LYRM9: variants seen among roughly 807,000 people sequenced by gnomAD.
LYRM9 encodes the protein LYR motif containing 9, also known as LYR motif-containing protein 9.
In LYRM9, 14 loss-of-function variants were observed where a neutral mutation model predicts 12.6. The ratio of observed to expected loss-of-function variants is 1.11; its 90% CI spans 0.73 to 1.73. LYRM9 has a LOEUF of 1.73. Ranked by LOEUF, LYRM9 falls within the 40% of genes most tolerant of loss-of-function variation. The pLI is 0.00. For synonymous variants in LYRM9, 42 were observed against 35.1 expected, an observed-to-expected ratio of 1.20 and a Z score of -0.69; for missense variants, 94 against 95.0, an observed-to-expected ratio of 0.99 and a Z score of 0.04.
chr17:27,887,393 T>TA (rs1353354125), intron 1 of LYRM9, among the ~76,000 whole-genome samples: 4 of 152,380 alleles, frequency 2.6e-5, no homozygotes, highest in Admixed American at 2.6e-4. Flanking sequence ...ACTGATTTTT[T>TA]ATGTATCAAA....
At chr17:27,884,545 T>G (rs544529039) in intron 1 of LYRM9, among the ~76,000 whole-genome samples, 1 of 152,324 alleles carries the variant, frequency 6.6e-6, no homozygotes, top group Admixed American at 6.5e-5. Flanking sequence ...CTTAGTGTCC[T>G]TCCTCCAGGA....
intron 1 of LYRM9, among the ~76,000 whole-genome samples, chr17:27,885,741 C>T (rs1905211560): frequency 1.3e-5 from 2 of 149,776 alleles, no homozygotes; most frequent in Admixed American, 1.3e-4. Context: ...TTCATTTGGG[C>T]CCTAAAACCA....
chr17:27,886,057 G>A lies in LYRM9; in HGVS notation c.-18-3345C>T, dbSNP rs758143810. Among the ~76,000 whole-genome samples, 1 of 152,070 alleles carries A rather than the reference G, an allele frequency of 6.6e-6. No individual in the cohort carries two copies. Among genetic ancestry groups the A allele is most frequent in the Non-Finnish European group, 1.5e-5 (1 of 68,020 alleles). ...AAGACCATCAGGAGCAACCACAGGA[G>A]ACATACCACCAAAGTCCCAAACCTG... On this transcript the variant is annotated intron_variant, in intron 1 of 3. Coordinates refer to ENST00000379102, the MANE Select transcript of LYRM9 (RefSeq NM_001076680.3). The surrounding 1 kb of genome is among the most constrained non-coding windows in gnomAD (Gnocchi z 4.8).
rs1905246819 is a variant in LYRM9, at chr17:27,886,755, C to T, written c.-18-4043G>A. On this transcript the variant is annotated intron_variant, in intron 1 of 3. Transcript: ENST00000379102. This position sits in a 1 kb window ranked among gnomAD's most constrained non-coding sequence, Gnocchi z 4.8. ...CCGCCTCCTGGGTTTAAGCAATTCT[C>T]CTGCCTCAGCCTCCTGAGTAGCTGG... Among the ~76,000 whole-genome samples the T allele has an allele frequency of 6.6e-6, 1 of 151,990 alleles. No homozygotes were observed. The highest frequency in any genetic ancestry group is 1.5e-5 in the Non-Finnish European group (1 of 68,022).
intron 1 of LYRM9, chr17:27,883,012 G>A (rs1905116155): frequency 2.0e-6 from 1 of 504,150 alleles, no homozygotes; most frequent in Non-Finnish European, 4.0e-6. Context: ...TCACCGGCAG[G>A]GTAGGGTAGA....
At position 27,886,926 on chromosome 17, in the gene LYRM9, G is replaced by A. The variant is rs535731850; in HGVS notation, c.-18-4214C>T. Among the ~76,000 whole-genome samples the A allele has an allele frequency of 1.0e-4, 15 of 150,186 alleles. No homozygotes were observed. The highest frequency in any genetic ancestry group is 6.0e-4 in the Admixed American group (9 of 15,116). ...CTCCCAAAGTGCTAGGATTACAGGC[G>A]TGAGCCACCACACCCGGCCCCATGC... On this transcript the variant is annotated intron_variant, in intron 1 of 3. Coordinates refer to ENST00000379102, the MANE Select transcript of LYRM9 (RefSeq NM_001076680.3). This position sits in a 1 kb window ranked among gnomAD's most constrained non-coding sequence, Gnocchi z 4.8.
chr17:27,884,653 G>C (rs752686166), intron 1 of LYRM9, among the ~76,000 whole-genome samples: 3 of 152,190 alleles, frequency 2.0e-5, no homozygotes, highest in Non-Finnish European at 4.4e-5. Flanking sequence ...GGACTCATCT[G>C]CTACCTCGCC....
intron 3 of LYRM9, 141 bp from the exon 4 acceptor site, chr17:27,879,631 G>T: frequency 1.3e-6 from 1 of 772,702 alleles, no homozygotes; most frequent in Non-Finnish European, 2.0e-6. Context: ...CAAGCAGGAG[G>T]CACTGGGCAG....
chr17:27,892,593 G>C, intron 1 of LYRM9: 2 of 344,030 alleles, frequency 5.8e-6, no homozygotes, highest in South Asian at 4.6e-5. Context: ...ATCCAGAATA[G>C]GCAAAAGTAC....
At chr17:27,889,887 G>A (rs189079139) in intron 1 of LYRM9, among the ~76,000 whole-genome samples, 11 of 152,242 alleles carry the variant, frequency 7.2e-5, no homozygotes, top group East Asian at 1.9e-4. Context: ...ACAGTCTGGT[G>A]TACCTAGCTC....
At position 27,882,551 on chromosome 17, in the gene LYRM9, G is replaced by A; in HGVS notation, c.126+18C>T. On this transcript the variant is annotated intron_variant, in intron 2 of 3. Transcript: ENST00000379102. ...GCCATTAGAGGCAGCCCCCAGACCT[G>A]GTAGAGCCAGCTCGCACCTGCCTGA... 1.9e-6 allele frequency: 3 copies of A among 1,565,310 alleles called. No individual in the cohort carries two copies. Among genetic ancestry groups the A allele is most frequent in the South Asian group, 1.2e-5 (1 of 83,324 alleles).
At chr17:27,893,285 C>CCCTCGG (rs976869073) in intron 1 of LYRM9, 32 bp downstream of exon 1, 17 of 153,010 alleles carry the variant, frequency 1.1e-4, no homozygotes, top group East Asian at 3.8e-4. Context: ...CGCGCCCCCG[C>CCCTCGG]CCTCGGCCTC....
chr17:27,885,630 A>G (rs1905205885), intron 1 of LYRM9, among the ~76,000 whole-genome samples: 1 of 147,804 alleles, frequency 6.8e-6, no homozygotes, highest in South Asian at 2.2e-4. Flanking sequence ...GGATCACTTC[A>G]GCCTCGACTG....
At chr17:27,883,954 C>G (rs530938986) in intron 1 of LYRM9, among the ~76,000 whole-genome samples, 3 of 150,116 alleles carry the variant, frequency 2.0e-5, no homozygotes, top group Non-Finnish European at 4.4e-5. Flanking sequence ...CAGGTACACA[C>G]CGGAGAAGCC....
intron 1 of LYRM9, among the ~76,000 whole-genome samples, chr17:27,890,003 A>G (rs973702856): frequency 6.6e-6 from 1 of 152,336 alleles, no homozygotes; most frequent in East Asian, 1.9e-4. Context: ...CCTCACAACA[A>G]TATTTTAAGG....
At chr17:27,879,648 C>A (rs1288138238) in intron 3 of LYRM9, 158 bp from the exon 4 acceptor site, 2 of 674,380 alleles carry the variant, frequency 3.0e-6, no homozygotes, top group African/African-American at 1.8e-5. Context: ...GCAGCCAAAT[C>A]TCTAGTTCAT....
rs1053396556 is a variant in LYRM9, at chr17:27,882,603, C to A, written c.92G>T (p.Gly31Val). 1.3e-6 allele frequency: 2 copies of A among 1,596,482 alleles called. No individual in the cohort carries two copies. Among genetic ancestry groups the A allele is most frequent in the Admixed American group, 3.4e-5 (2 of 58,058 alleles). ...LRCCQQLPTKGIQQHYKHAVR... is the reference protein window; with the variant it reads ...LRCCQQLPTKVIQQHYKHAVR... ...AGCATGCTTGTAATGCTGCTGGATG[C>A]CCTTGGTCGGCAGCTGCTGGCAACA... Residue 31 changes from glycine to valine, a missense_variant, in exon 2 of 4, where the codon GGC becomes GTC. Transcript: ENST00000379102.
intron 1 of LYRM9, among the ~76,000 whole-genome samples, chr17:27,887,713 GGTGTGTGT>G (rs59760752): frequency 0.051 from 4,394 of 86,762 alleles, 151 homozygotes; most frequent in African/African-American, 0.098. Flanking sequence ...TAGGAGGGAG[GGTGTGTGT>G]GTGTGTGTGT....
chr17:27,892,156 C>A (rs528369769), intron 1 of LYRM9: 11 of 184,560 alleles, frequency 6.0e-5, no homozygotes, highest in African/African-American at 2.6e-4. Flanking sequence ...TCTCAAAATT[C>A]TAGGCTCAAG....
Sources: gnomAD v4.1 joint callset for allele counts (sites outside exome capture counted in the v4.1 genomes callset) on GRCh38, gnomAD v4.1.1 for gene constraint, Gnocchi (gnomAD v3.1) non-coding constraint, MANE v1.5 for transcripts, NCBI Gene and HGNC (gene_info 2026-07-23, HGNC 2026-07-21) for gene names.